The following NSMCE2 variants were observed in gnomAD, a reference collection of about 807,000 sequenced individuals.
NSMCE2 encodes the protein E3 SUMO-protein ligase NSE2.
A neutral mutation model predicts 23.8 loss-of-function variants in NSMCE2; 24 were observed. That is an observed-to-expected ratio of 1.01 (90% CI 0.73 to 1.42). The LOEUF (loss-of-function observed/expected upper bound fraction) is 1.42. Ranked by LOEUF, NSMCE2 falls within the 40% of genes most tolerant of loss-of-function variation. NSMCE2 has a pLI of 0.00. For missense variants in NSMCE2, 284 were observed against 296.5 expected, an observed-to-expected ratio of 0.96 and a Z score of 0.31; for synonymous variants, 92 against 94.1, an observed-to-expected ratio of 0.98 and a Z score of 0.13.
At chr8:125,330,235 G>A (rs1055560909) in intron 5 of NSMCE2, among the ~76,000 whole-genome samples, 1 of 140,630 alleles carries the variant, frequency 7.1e-6, no homozygotes, top group African/African-American at 2.6e-5. Flanking sequence ...GGAGTGCGAT[G>A]GGACGATCTA....
chr8:125,229,435 C>A (rs947626860), intron 5 of NSMCE2, among the ~76,000 whole-genome samples: 7 of 151,924 alleles, frequency 4.6e-5, no homozygotes, highest in Non-Finnish European at 1.0e-4. Flanking sequence ...TTTCTTGTGA[C>A]CCATTTTAGA....
chr8:125,119,564 A>C (rs1819172828), intron 3 of NSMCE2, among the ~76,000 whole-genome samples: 1 of 152,234 alleles, frequency 6.6e-6, no homozygotes, highest in Non-Finnish European at 1.5e-5. Flanking sequence ...CAATCAGATT[A>C]AAATTAGACT....
At chr8:125,124,469 T>G (rs569656784) in intron 3 of NSMCE2, among the ~76,000 whole-genome samples, 19 of 151,496 alleles carry the variant, frequency 1.3e-4, no homozygotes, top group African/African-American at 4.6e-4. Context: ...TTCCTCAGGA[T>G]TTCTCTCTCT....
At chr8:125,251,632 A>G (rs781744469) in intron 5 of NSMCE2, among the ~76,000 whole-genome samples, 1 of 152,226 alleles carries the variant, frequency 6.6e-6, no homozygotes, top group Non-Finnish European at 1.5e-5. Flanking sequence ...GATCTCAATA[A>G]TAGCAAAAAT....
chr8:125,285,474 C>T (rs1236463557), intron 5 of NSMCE2, among the ~76,000 whole-genome samples: 1 of 152,060 alleles, frequency 6.6e-6, no homozygotes, highest in Non-Finnish European at 1.5e-5. Context: ...CCATTCTGTG[C>T]TGGGTATTTT....
intron 7 of NSMCE2, among the ~76,000 whole-genome samples, chr8:125,365,577 C>T (rs963746777): frequency 2.0e-5 from 3 of 152,146 alleles, no homozygotes; most frequent in African/African-American, 7.2e-5. Context: ...AATCCAAGTC[C>T]AGGCACGGTG....
intron 5 of NSMCE2, among the ~76,000 whole-genome samples, chr8:125,257,435 GT>G (rs1826482485): frequency 6.6e-6 from 1 of 151,518 alleles, no homozygotes; most frequent in South Asian, 2.1e-4. Flanking sequence ...AATCTCCTGT[GT>G]CAAATGTAAA....
chr8:125,299,997 T>A (rs1428130304), intron 5 of NSMCE2, among the ~76,000 whole-genome samples: 2 of 151,636 alleles, frequency 1.3e-5, no homozygotes, highest in Admixed American at 6.6e-5. Flanking sequence ...TTTTGTATTT[T>A]TAGTAGAGAC....
At chr8:125,112,112 A>G (rs527545317) in intron 3 of NSMCE2, among the ~76,000 whole-genome samples, 3 of 152,226 alleles carry the variant, frequency 2.0e-5, no homozygotes, top group Non-Finnish European at 2.9e-5. Flanking sequence ...TAAGAAGCCA[A>G]TGTTTGTATG....
At chr8:125,201,911 A>G (rs971153774) in intron 5 of NSMCE2, among the ~76,000 whole-genome samples, 1 of 151,726 alleles carries the variant, frequency 6.6e-6, no homozygotes, top group South Asian at 2.1e-4. Context: ...CGGACACCCC[A>G]CCGTCCCCCA....
At chr8:125,151,831 C>G (rs918097783) in intron 4 of NSMCE2, among the ~76,000 whole-genome samples, 2 of 152,202 alleles carry the variant, frequency 1.3e-5, no homozygotes, top group African/African-American at 2.4e-5. Flanking sequence ...TAGCAACATC[C>G]TTTTCAGTAG....
At chr8:125,183,173 T>C (rs532406070) in intron 5 of NSMCE2, among the ~76,000 whole-genome samples, 1 of 152,338 alleles carries the variant, frequency 6.6e-6, no homozygotes, top group South Asian at 2.1e-4. Context: ...CGTGTCCTTA[T>C]ATGTGCTTAA....
At chr8:125,263,813 AACTC>A (rs1242702497) in intron 5 of NSMCE2, among the ~76,000 whole-genome samples, 12 of 152,108 alleles carry the variant, frequency 7.9e-5, no homozygotes, top group African/African-American at 2.9e-4. Context: ...ATCTGGGACT[AACTC>A]AGGAATCCCT....
At chr8:125,175,546 T>C (rs1223478415) in intron 4 of NSMCE2, among the ~76,000 whole-genome samples, 3 of 152,192 alleles carry the variant, frequency 2.0e-5, no homozygotes, top group African/African-American at 7.2e-5. Context: ...CATCTAACAA[T>C]GGCTGTTTTG....
intron 3 of NSMCE2, among the ~76,000 whole-genome samples, chr8:125,125,541 C>T (rs898311321): frequency 6.6e-6 from 1 of 152,090 alleles, no homozygotes; most frequent in African/African-American, 2.4e-5. Flanking sequence ...AGTGAAGGCA[C>T]CATGGAGTTA....
intron 5 of NSMCE2, among the ~76,000 whole-genome samples, chr8:125,202,784 G>C (rs1236742049): frequency 6.6e-6 from 1 of 152,090 alleles, no homozygotes; most frequent in Non-Finnish European, 1.5e-5. Context: ...GAATTCTTAA[G>C]CATAAGCAAT....
intron 3 of NSMCE2, among the ~76,000 whole-genome samples, chr8:125,128,784 A>G (rs1363249906): frequency 6.6e-6 from 1 of 152,196 alleles, no homozygotes; most frequent in Non-Finnish European, 1.5e-5. Flanking sequence ...CTCATCCTGC[A>G]TCACTATGAC....
At chr8:125,271,281 A>G (rs1178776714) in intron 5 of NSMCE2, among the ~76,000 whole-genome samples, 2 of 150,268 alleles carry the variant, frequency 1.3e-5, no homozygotes, top group Non-Finnish European at 3.0e-5. Flanking sequence ...AAAAAGTATT[A>G]CTCTAGTGAT....
intron 3 of NSMCE2, among the ~76,000 whole-genome samples, chr8:125,122,665 T>C (rs988434762): frequency 1.2e-4 from 18 of 152,186 alleles, no homozygotes; most frequent in African/African-American, 4.3e-4. Context: ...CCAAACCAAA[T>C]TGATCTCTTC....
Sources: allele counts gnomAD v4.1 joint callset (sites outside exome capture counted in the v4.1 genomes callset), GRCh38; gene constraint gnomAD v4.1.1; transcripts MANE v1.5; gene names NCBI Gene and HGNC (gene_info 2026-07-23, HGNC 2026-07-21).